The following C8A variants were observed in gnomAD, a reference collection of about 807,000 sequenced individuals.
The protein encoded by C8A is complement component C8 alpha chain.
A neutral mutation model predicts 65.3 loss-of-function variants in C8A; 67 were observed. The observed-to-expected ratio is 1.03, with a 90% CI of 0.84 to 1.26. C8A has a LOEUF of 1.26. Among genes scored for constraint, C8A ranks in the 50% most tolerant of loss-of-function variants. The probability of loss-of-function intolerance (pLI) is 0.00; values close to 1 mark genes in which losing one functional copy is unlikely to be tolerated. For missense variants in C8A, 781 were observed against 723.9 expected (o/e 1.08, Z -0.90); for synonymous variants, 290 against 259.4 (o/e 1.12, Z -1.13).
chr1:56,881,166 A>G (rs1644244156), intron 4 of C8A, among the ~76,000 whole-genome samples: 1 of 152,214 alleles, frequency 6.6e-6, no homozygotes, highest in African/African-American at 2.4e-5. Flanking sequence ...TCCACAGAAC[A>G]TAGATTGAGA....
intron 7 of C8A, among the ~76,000 whole-genome samples, chr1:56,892,003 A>G (rs1348378987): frequency 6.6e-6 from 1 of 152,090 alleles, no homozygotes; most frequent in Admixed American, 6.6e-5. Flanking sequence ...CCCACAGTAG[A>G]TGCACCACGA....
chr1:56,886,480 C>G (rs947938463), intron 7 of C8A, among the ~76,000 whole-genome samples: 1 of 152,056 alleles, frequency 6.6e-6, no homozygotes, highest in African/African-American at 2.4e-5. Context: ...AATGTGAAAA[C>G]CTGTTTTAAA....
chr1:56,917,065 A>G (rs1644558426), intron 10 of C8A, among the ~76,000 whole-genome samples: 1 of 152,094 alleles, frequency 6.6e-6, no homozygotes, highest in Non-Finnish European at 1.5e-5. Flanking sequence ...CTTCCAAGGG[A>G]GCACACCTCC....
intron 2 of C8A, among the ~76,000 whole-genome samples, chr1:56,870,707 G>T (rs183656700): frequency 1.5e-4 from 22 of 146,634 alleles, no homozygotes; most frequent in African/African-American, 5.3e-4. Flanking sequence ...AGTTTAGACA[G>T]CAGGTACCAC....
intron 9 of C8A, among the ~76,000 whole-genome samples, chr1:56,908,777 A>G (rs1338335051): frequency 1.3e-5 from 2 of 152,202 alleles, no homozygotes; most frequent in African/African-American, 4.8e-5. Context: ...ATTTGAGGTC[A>G]TATAGCTCAG....
At chr1:56,862,820 G>A (rs892032474) in intron 1 of C8A, among the ~76,000 whole-genome samples, 1 of 152,084 alleles carries the variant, frequency 6.6e-6, no homozygotes, top group Non-Finnish European at 1.5e-5. Flanking sequence ...GATTTATTAG[G>A]CCATGGAATT....
rs1266665521 is a variant in C8A at position 56,860,039 on chromosome 1, A to G, written c.77+5061A>G. ...GATCGTGCCACTGCGCTCCAGTCTG[A>G]GCAGCAGAGCAAGACTCTATCTCAA... is the stretch of plus-strand genomic sequence containing the variant. On this transcript the variant is annotated intron_variant, in intron 1 of 10. Coordinates refer to ENST00000361249, the MANE Select transcript of C8A (RefSeq NM_000562.3). 3.9e-5 allele frequency among the ~76,000 whole-genome samples: 6 copies of G among 152,208 alleles called. No individual in the cohort carries two copies. The South Asian group carries it at 8.3e-4, about 21-fold the overall frequency.
chr1:56,887,942 A>G (rs558205461), intron 7 of C8A, among the ~76,000 whole-genome samples: 165 of 152,260 alleles, frequency 1.1e-3, no homozygotes, highest in African/African-American at 3.7e-3. Flanking sequence ...ATGAGAACAC[A>G]TGAATACAGG....
rs561696630 is a variant in C8A, at chr1:56,908,247, C to T, written c.1380+134C>T. 1.8e-4 allele frequency: 188 copies of T among 1,071,962 alleles called. 1 individual carries two copies. The African/African-American group carries it at 2.4e-3, about 14-fold the overall frequency. 66.4% of individuals were successfully genotyped at this position (1,071,962 alleles called of 1,614,324 possible). ...ATGTAATGGCACACTGAACTAGTGGCCTTGCTTGTGCCTGACTCCAGGGAG... is the reference window on the plus strand; with the variant it reads ...ATGTAATGGCACACTGAACTAGTGGTCTTGCTTGTGCCTGACTCCAGGGAG... On this transcript the variant is annotated intron_variant, in intron 9 of 10. Coordinates refer to ENST00000361249, the MANE Select transcript of C8A (RefSeq NM_000562.3).
Position 56,918,144 on chromosome 1 carries a change from G to A in C8A, c.*428G>A, listed in dbSNP as rs960542496. ...TTTGATAACAATTTGTTCACTCATA[G>A]AAACATTATTAATTGGTAGGGTAAG... On this transcript the variant is annotated 3_prime_UTR_variant, in exon 11 of 11. Transcript: ENST00000361249. 1 of 178,058 alleles carries A rather than the reference G, an allele frequency of 5.6e-6. No homozygotes were observed. The highest frequency in any genetic ancestry group is 1.2e-5 in the Non-Finnish European group (1 of 84,060). 11.0% of individuals were successfully genotyped at this position (178,058 alleles called of 1,614,324 possible). A position where few individuals can be genotyped will look rare whatever the true frequency, so the allele number is the denominator to read the frequency against.
intron 7 of C8A, among the ~76,000 whole-genome samples, chr1:56,894,402 C>A (rs906150593): frequency 6.6e-6 from 1 of 152,130 alleles, no homozygotes; most frequent in Non-Finnish European, 1.5e-5. Context: ...GAACTCTCAT[C>A]ACTATCTTTC....
chr1:56,877,020 C>T (rs1036001918), intron 4 of C8A, among the ~76,000 whole-genome samples: 2 of 152,060 alleles, frequency 1.3e-5, no homozygotes, highest in South Asian at 4.1e-4. Flanking sequence ...AGGGTAGGAC[C>T]CTAATTCAAG....
At chr1:56,909,871 G>A (rs1741990) in intron 9 of C8A, among the ~76,000 whole-genome samples, 15,618 of 152,188 alleles carry the variant, frequency 0.1, 1,254 homozygotes, top group African/African-American at 0.22. Flanking sequence ...ACAATATCTC[G>A]AAATTGGCAA....
chr1:56,912,960 A>G (rs1425560296), intron 10 of C8A, among the ~76,000 whole-genome samples: 2 of 152,248 alleles, frequency 1.3e-5, no homozygotes, highest in Non-Finnish European at 2.9e-5. Context: ...GTATTGTTTC[A>G]GACCTCTGGA....
At chr1:56,915,886 T>C (rs1022623151) in intron 10 of C8A, among the ~76,000 whole-genome samples, 3 of 152,138 alleles carry the variant, frequency 2.0e-5, no homozygotes, top group African/African-American at 7.2e-5. Flanking sequence ...AAGTATCATT[T>C]TGGGGAGTGG....
chr1:56,883,283 G>A (rs1276970440), intron 5 of C8A, among the ~76,000 whole-genome samples, 198 bp from the exon 6 acceptor site: 1 of 151,928 alleles, frequency 6.6e-6, no homozygotes, highest in Non-Finnish European at 1.5e-5. Context: ...TATTTTATCA[G>A]TACCACTAAA....
At position 56,885,440 on chromosome 1, in the gene C8A, G is replaced by A. The variant is rs1439881865; in HGVS notation, c.856-487G>A. ...AATATATATTTAAATATATATTTAA[G>A]TAAATATATATATATTTCCGTAAAT... On this transcript the variant is annotated intron_variant, in intron 6 of 10. Transcript: ENST00000361249. Among the ~76,000 whole-genome samples the A allele has an allele frequency of 7.0e-4, 46 of 65,924 alleles. 1 individual carries two copies. Among genetic ancestry groups the A allele is most frequent in the African/African-American group, 4.7e-3 (39 of 8,260 alleles). 43.2% of individuals were successfully genotyped at this position (65,924 alleles called of 152,430 possible).
chr1:56,890,450 C>A (rs956139483), intron 7 of C8A, among the ~76,000 whole-genome samples: 1 of 152,138 alleles, frequency 6.6e-6, no homozygotes, highest in Non-Finnish European at 1.5e-5. Context: ...AAATAAACAG[C>A]CAAAGTCCAA....
chr1:56,879,216 T>G (rs1454430142), intron 4 of C8A, among the ~76,000 whole-genome samples: 1 of 152,214 alleles, frequency 6.6e-6, no homozygotes, highest in Non-Finnish European at 1.5e-5. Context: ...AGTATAATTA[T>G]ATAATTATTT....
Sources: allele counts gnomAD v4.1 joint callset (sites outside exome capture counted in the v4.1 genomes callset), GRCh38; gene constraint gnomAD v4.1.1; transcripts MANE v1.5; gene names NCBI Gene and HGNC (gene_info 2026-07-23, HGNC 2026-07-21).